The following FER1L6 variants were observed in gnomAD, a reference collection of about 807,000 sequenced individuals.
FER1L6 encodes fer-1 like family member 6, also known as fer-1-like protein 6.
Under a neutral mutation model 219.2 loss-of-function variants are expected in FER1L6, and 177 were observed. The ratio of observed to expected loss-of-function variants is 0.81; its 90% CI spans 0.71 to 0.91. The LOEUF is 0.91. FER1L6 is among the 40% of genes least tolerant of loss of function. The probability of loss-of-function intolerance (pLI) is 0.00; values close to 1 mark genes in which losing one functional copy is unlikely to be tolerated. For missense variants in FER1L6, 2,153 were observed against 2,259.9 expected (o/e 0.95, Z 0.96); for synonymous variants, 768 against 824.3 (o/e 0.93, Z 1.17).
At chr8:124,046,591 G>A (rs887846560) in intron 21 of FER1L6, 3 of 152,128 alleles carry the variant, frequency 2.0e-5, no homozygotes, top group Non-Finnish European at 4.4e-5. Context: ...CTCCTCATGA[G>A]GTTGCAGAAG....
intron 40 of FER1L6, 35 bp from the exon 41 acceptor site, chr8:124,119,572 G>GC (rs78565233): frequency 0.1 from 143,507 of 1,373,068 alleles, 9,502 homozygotes; most frequent in African/African-American, 0.29. Flanking sequence ...TTGACAGGAT[G>GC]CCCCCTTTTT....
chr8:123,881,254 T>C (rs745720394), intron 1 of FER1L6, among the ~76,000 whole-genome samples: 3 of 151,910 alleles, frequency 2.0e-5, no homozygotes, highest in Non-Finnish European at 4.4e-5. Context: ...AAAAGAAAAA[T>C]TGCTTTTTCT....
chr8:123,981,911 G>A lies in FER1L6; in HGVS notation c.1410+1100G>A, dbSNP rs188402157. ...AGCACATACATAGGAAGTAGGCAAT[G>A]CATTTGTTGTTGTTGTTGTCGTCAG... On this transcript the variant is annotated intron_variant, in intron 11 of 40. Coordinates refer to ENST00000522917, the MANE Select transcript of FER1L6 (RefSeq NM_001039112.2). Among the ~76,000 whole-genome samples the A allele has an allele frequency of 1.2e-4, 18 of 152,276 alleles. No homozygotes were observed. The East Asian group carries it at 2.5e-3, about 21-fold the overall frequency.
intron 9 of FER1L6, among the ~76,000 whole-genome samples, chr8:123,976,495 C>A (rs1267250440): frequency 1.3e-5 from 2 of 149,108 alleles, no homozygotes; most frequent in African/African-American, 4.9e-5. Flanking sequence ...GGTGACAGAG[C>A]AAGACTCTGT....
In FER1L6 at chr8:124,097,813, A is replaced by G. The variant is rs759104624; in HGVS notation, c.4813A>G (p.Thr1605Ala). The G allele has an allele frequency of 1.2e-6, 2 of 1,605,108 alleles. No homozygotes were observed. Residue 1605 changes from threonine (T) to alanine (A), a missense_variant, in exon 37 of 41, where the codon ACT becomes GCT. Coordinates refer to ENST00000522917, the MANE Select transcript of FER1L6 (RefSeq NM_001039112.2). ...CGAATTGAGAGTGACCATCTGGAAC[A>G]CTGAAGATGTCATTTTAGAGGATGA... ...GYELRVTIWN[T>A]EDVILEDENI...
chr8:123,866,649 A>G (rs528727057), intron 1 of FER1L6, among the ~76,000 whole-genome samples: 8 of 152,252 alleles, frequency 5.3e-5, no homozygotes, highest in African/African-American at 1.7e-4. Flanking sequence ...CCTTGCCAAC[A>G]CTGGTCATCA....
intron 39 of FER1L6, among the ~76,000 whole-genome samples, chr8:124,116,440 C>G (rs1823249551): frequency 6.6e-6 from 1 of 152,016 alleles, no homozygotes; most frequent in South Asian, 2.1e-4. Context: ...AGTGCCATAG[C>G]CAAAAAGGGC....
In FER1L6 at chr8:123,973,485, G is replaced by C; in HGVS notation, c.499G>C (p.Asp167His). 1 of 1,614,044 alleles carries C rather than the reference G, an allele frequency of 6.2e-7. No homozygotes were observed. The highest frequency in any genetic ancestry group is 8.5e-7 in the Non-Finnish European group (1 of 1,179,940). ...GSVLIGSFKVDLGTVYNQPGH... is the reference protein window; with the variant it reads ...GSVLIGSFKVHLGTVYNQPGH... The stretch of plus-strand genomic sequence containing the variant: ...TGTACTGATTGGCTCTTTCAAAGTA[G>C]ACCTGGGGACCGTGTACAACCAACC... Residue 167 changes from aspartate (D) to histidine (H), a missense_variant, in exon 7 of 41, where the codon GAC (aspartate) becomes CAC (histidine). Asp to His is a moderately conservative substitution (Grantham distance 81). Transcript: ENST00000522917.
At chr8:123,908,013 A>G (rs765375927) in intron 1 of FER1L6, among the ~76,000 whole-genome samples, 1 of 152,242 alleles carries the variant, frequency 6.6e-6, no homozygotes. Flanking sequence ...AACCTCCCAG[A>G]GTTGAGAACA....
rs1816562896 is a variant in FER1L6 at position 123,986,061 on chromosome 8, T to G, written c.1411-7T>G. 6.4e-7 allele frequency: 1 copy of G among 1,569,618 alleles called. No individual in the cohort carries two copies. Among genetic ancestry groups the G allele is most frequent in the Non-Finnish European group, 8.8e-7 (1 of 1,140,200 alleles). On this transcript the variant is annotated splice_polypyrimidine_tract_variant and splice_region_variant and intron_variant, in intron 11 of 40. Transcript: ENST00000522917. ...TTCTGCCTAATAATTTTGTTTTCTT[T>G]CTGTAGATTGTACCAGAAAAAAATG...
chr8:124,011,779 C>T lies in FER1L6; in HGVS notation c.1821+1065C>T, dbSNP rs1817943988. ...GGGTGATAGGCATGAGCCATTGTGCCTGGCCAACACCCTGTTATTTTCCTT... is the reference window on the plus strand; with the variant it reads ...GGGTGATAGGCATGAGCCATTGTGCTTGGCCAACACCCTGTTATTTTCCTT... On this transcript the variant is annotated intron_variant, in intron 14 of 40. Transcript: ENST00000522917. 2.6e-5 allele frequency among the ~76,000 whole-genome samples: 4 copies of T among 152,122 alleles called. No individual in the cohort carries two copies. In the South Asian group the frequency reaches 8.3e-4, roughly 32 times the overall value.
At chr8:123,878,822 A>AT (rs1161986059) in intron 1 of FER1L6, among the ~76,000 whole-genome samples, 4 of 152,354 alleles carry the variant, frequency 2.6e-5, no homozygotes, top group Non-Finnish European at 5.9e-5. Context: ...CTAAAAATAG[A>AT]AAAGCAATAT....
chr8:123,877,885 T>C (rs984837462), intron 1 of FER1L6, among the ~76,000 whole-genome samples: 4 of 152,106 alleles, frequency 2.6e-5, no homozygotes, highest in African/African-American at 9.7e-5. Flanking sequence ...TGATAAATTA[T>C]TGCGGTTCTT....
At chr8:123,923,304 A>G (rs1470112852) in intron 1 of FER1L6, among the ~76,000 whole-genome samples, 2 of 152,216 alleles carry the variant, frequency 1.3e-5, no homozygotes, top group African/African-American at 4.8e-5. Flanking sequence ...GAATGAAGCA[A>G]CTTCGTCAAT....
rs1815577135 is a variant in FER1L6, at chr8:123,967,097, A to AT, written c.384+807_384+808insT. ...ACTCCACCTCAAAAAAAAAAAAAAAAAAAATTACTTGGTGAAAAAATATGG... is the reference window on the plus strand; with the variant it reads ...ACTCCACCTCAAAAAAAAAAAAAAAATAAAATTACTTGGTGAAAAAATATGG... On this transcript the variant is annotated intron_variant, in intron 5 of 40. Coordinates refer to ENST00000522917, the MANE Select transcript of FER1L6 (RefSeq NM_001039112.2). Among the ~76,000 whole-genome samples the AT allele has an allele frequency of 2.7e-5, 4 of 150,692 alleles. 1 individual carries two copies. In the East Asian group the frequency reaches 7.7e-4, roughly 29 times the overall value.
intron 1 of FER1L6, among the ~76,000 whole-genome samples, chr8:123,902,900 G>A (rs1212097365): frequency 6.6e-6 from 1 of 152,044 alleles, no homozygotes; most frequent in East Asian, 1.9e-4. Context: ...TATAGGTCCG[G>A]TGTGATTTAT....
chr8:123,973,994 A>G (rs1206914881), intron 7 of FER1L6, among the ~76,000 whole-genome samples: 1 of 152,246 alleles, frequency 6.6e-6, no homozygotes, highest in Non-Finnish European at 1.5e-5. Flanking sequence ...CTCACTCATA[A>G]AAATGACTAC....
chr8:124,073,545 A>G (rs1235777875), intron 31 of FER1L6, among the ~76,000 whole-genome samples: 1 of 152,250 alleles, frequency 6.6e-6, no homozygotes, highest in Non-Finnish European at 1.5e-5. Context: ...ACTCGCATAA[A>G]GAAATAAATC....
chr8:123,864,612 G>A (rs1377764372), intron 1 of FER1L6, among the ~76,000 whole-genome samples: 3 of 149,324 alleles, frequency 2.0e-5, no homozygotes, highest in African/African-American at 7.7e-5. Context: ...TCACTTTCAG[G>A]TACACCAATC....
Sources: allele counts gnomAD v4.1 joint callset (sites outside exome capture counted in the v4.1 genomes callset), GRCh38; gene constraint gnomAD v4.1.1; transcripts MANE v1.5; gene names NCBI Gene and HGNC (gene_info 2026-07-23, HGNC 2026-07-21).